MAPKAPK2: variants seen among roughly 807,000 people sequenced by gnomAD.
MAPKAPK2 encodes MAP kinase-activated protein kinase 2.
Under a neutral mutation model 48.8 loss-of-function variants are expected in MAPKAPK2, and 9 were observed. That is an observed-to-expected ratio of 0.18 (90% CI 0.11 to 0.32). MAPKAPK2 has a LOEUF of 0.32. MAPKAPK2 is among the 10% of genes least tolerant of loss of function. MAPKAPK2 has a pLI of 1.00. For synonymous variants in MAPKAPK2, 202 were observed against 190.6 expected (o/e 1.06, Z -0.49); for missense variants, 331 against 498.3 (o/e 0.66, Z 3.20).
chr1:206,695,675 TC>T (rs1167805984), intron 1 of MAPKAPK2, among the ~76,000 whole-genome samples: 1 of 151,992 alleles, frequency 6.6e-6, no homozygotes, highest in Non-Finnish European at 1.5e-5. Context: ...AAGTGGGTCT[TC>T]CCATCCTTCC....
chr1:206,726,231 C>CA (rs1339557606), intron 1 of MAPKAPK2, among the ~76,000 whole-genome samples: 2 of 151,930 alleles, frequency 1.3e-5, no homozygotes, highest in African/African-American at 4.8e-5. Context: ...CTAAAAATAC[C>CA]AAAAAATTAG....
At chr1:206,721,589 C>T (rs1408893206) in intron 1 of MAPKAPK2, among the ~76,000 whole-genome samples, 1 of 152,110 alleles carries the variant, frequency 6.6e-6, no homozygotes, top group African/African-American at 2.4e-5. Context: ...AACTCTTTGC[C>T]TTACTGTGGG....
intron 1 of MAPKAPK2, among the ~76,000 whole-genome samples, chr1:206,713,291 A>G (rs1553429820): frequency 6.6e-6 from 1 of 152,180 alleles, no homozygotes; most frequent in Non-Finnish European, 1.5e-5. Flanking sequence ...AGAGGAGGTG[A>G]CATTGCCATG....
chr1:206,713,036 G>GT (rs1475772299), intron 1 of MAPKAPK2, among the ~76,000 whole-genome samples: 1 of 148,242 alleles, frequency 6.7e-6, no homozygotes, highest in African/African-American at 2.5e-5. Context: ...TTGTTCTTTG[G>GT]GTTTAGTCAA....
At chr1:206,717,498 T>C (rs2102403472) in intron 1 of MAPKAPK2, among the ~76,000 whole-genome samples, 1 of 152,338 alleles carries the variant, frequency 6.6e-6, no homozygotes, top group African/African-American at 2.4e-5. Flanking sequence ...TTCATGTCCA[T>C]ATAAGTCAGA....
At position 206,711,976 on chromosome 1, in the gene MAPKAPK2, A is replaced by G. The variant is rs144856388; in HGVS notation, c.280-16734A>G. On this transcript the variant is annotated intron_variant, in intron 1 of 9. Transcript: ENST00000367103. Reference sequence around the variant, plus strand: ...ATTTCCTTCTGTCCCCTAATTTGAAATAATGCTAAAGTGAATATTTTTGAT... The same window carrying G: ...ATTTCCTTCTGTCCCCTAATTTGAAGTAATGCTAAAGTGAATATTTTTGAT... 7.0e-3 allele frequency among the ~76,000 whole-genome samples: 1,037 copies of G among 147,714 alleles called. 11 individuals are homozygous for G. The highest frequency in any genetic ancestry group is 0.024 in the African/African-American group (972 of 40,290).
chr1:206,732,415 C>T lies in MAPKAPK2; in HGVS notation c.1060-160C>T. On this transcript the variant is annotated intron_variant, in intron 9 of 9. Coordinates refer to ENST00000367103, the MANE Select transcript of MAPKAPK2 (RefSeq NM_032960.4). The surrounding 1 kb of genome is among the most constrained non-coding windows in gnomAD (Gnocchi z 4.4). ...AGCGCTGGGGTGAGGCTGCCGTTGT[C>T]AGCGTGGACCACTAACCAGCCCGTC... 1 of 1,460,624 alleles carries T rather than the reference C, an allele frequency of 6.8e-7. No homozygotes were observed. 90.5% of individuals were successfully genotyped at this position (1,460,624 alleles called of 1,614,324 possible).
chr1:206,709,129 C>T (rs1351776888), intron 1 of MAPKAPK2, among the ~76,000 whole-genome samples: 2 of 152,170 alleles, frequency 1.3e-5, no homozygotes, highest in Non-Finnish European at 2.9e-5. Context: ...TGCAGAGTTA[C>T]AGGAGGCTGT....
intron 1 of MAPKAPK2, among the ~76,000 whole-genome samples, chr1:206,718,007 T>TA (rs1315270974): frequency 2.0e-5 from 3 of 152,124 alleles, no homozygotes; most frequent in Non-Finnish European, 4.4e-5. Flanking sequence ...CCCTCTTCCC[T>TA]AAAAAACAAA....
Position 206,733,665 on chromosome 1 carries a change from C to T in MAPKAPK2, c.*947C>T, listed in dbSNP as rs983541873. ...TCTACTGAATGACCTCTCTACTTCC[C>T]CTTCTTGCCATTATTAACCCATTTT... On this transcript the variant is annotated 3_prime_UTR_variant, in exon 10 of 10. Coordinates refer to ENST00000367103, the MANE Select transcript of MAPKAPK2 (RefSeq NM_032960.4). The T allele has an allele frequency of 6.6e-6, 1 of 152,400 alleles. No homozygotes were observed. Among genetic ancestry groups the T allele is most frequent in the African/African-American group, 2.4e-5 (1 of 41,426 alleles). The allele number at this position is 152,400 out of a possible 1,614,324, so 9.4% of individuals were successfully genotyped here.
intron 1 of MAPKAPK2, among the ~76,000 whole-genome samples, chr1:206,714,602 TA>T (rs1276825961): frequency 1.0e-3 from 147 of 143,000 alleles, no homozygotes; most frequent in Middle Eastern, 3.5e-3. Flanking sequence ...TGTCTCTACT[TA>T]AAAAAAAAAA....
chr1:206,689,833 T>C (rs1354718388), intron 1 of MAPKAPK2, among the ~76,000 whole-genome samples: 1 of 152,232 alleles, frequency 6.6e-6, no homozygotes, highest in Non-Finnish European at 1.5e-5. Context: ...GGCTATCGAA[T>C]TGAACAATGC....
At chr1:206,727,217 C>T (rs1382848917) in intron 1 of MAPKAPK2, among the ~76,000 whole-genome samples, 10 of 152,316 alleles carry the variant, frequency 6.6e-5, no homozygotes, top group Non-Finnish European at 1.3e-4. Flanking sequence ...ATAAAAATGA[C>T]AGCTATTAGT....
chr1:206,719,845 A>C (rs1486011709), intron 1 of MAPKAPK2, among the ~76,000 whole-genome samples: 5 of 152,252 alleles, frequency 3.3e-5, no homozygotes, highest in Admixed American at 2.0e-4. Flanking sequence ...GCAGCATCTT[A>C]TTTCTTTCCT....
intron 1 of MAPKAPK2, among the ~76,000 whole-genome samples, chr1:206,721,958 G>A (rs981231032): frequency 3.9e-5 from 6 of 152,060 alleles, no homozygotes; most frequent in Non-Finnish European, 8.8e-5. Flanking sequence ...CCAGCTACTC[G>A]GGAGGCAGAG....
intron 1 of MAPKAPK2, among the ~76,000 whole-genome samples, chr1:206,692,307 A>G (rs868994533): frequency 3.1e-4 from 47 of 152,292 alleles, no homozygotes; most frequent in African/African-American, 1.1e-3. Context: ...TGATTCACAG[A>G]GCTGATGAGG....
chr1:206,691,055 G>A lies in MAPKAPK2; in HGVS notation c.279+5547G>A, dbSNP rs575080268. Among the ~76,000 whole-genome samples the A allele has an allele frequency of 8.1e-5, 12 of 148,232 alleles. 1 individual carries two copies. In the East Asian group the frequency reaches 3.1e-3, roughly 38 times the overall value. On this transcript the variant is annotated intron_variant, in intron 1 of 9. Coordinates refer to ENST00000367103, the MANE Select transcript of MAPKAPK2 (RefSeq NM_032960.4). ...CTTGGTAATGGTTTGAGGCCCAGTG[G>A]CAAAGCAACCCACACTTCATAGTAA...
chr1:206,694,741 G>T (rs1191765013), intron 1 of MAPKAPK2, among the ~76,000 whole-genome samples: 1 of 152,220 alleles, frequency 6.6e-6, no homozygotes, highest in Non-Finnish European at 1.5e-5. Context: ...GAATGCAGGT[G>T]ACCTGATGAG....
At chr1:206,693,248 G>A (rs1225951264) in intron 1 of MAPKAPK2, among the ~76,000 whole-genome samples, 1 of 152,084 alleles carries the variant, frequency 6.6e-6, no homozygotes, top group Non-Finnish European at 1.5e-5. Context: ...AAATAAACCT[G>A]CCACTGCTGC....
Sources: allele counts gnomAD v4.1 joint callset (sites outside exome capture counted in the v4.1 genomes callset), GRCh38; gene constraint gnomAD v4.1.1; non-coding constraint Gnocchi (gnomAD v3.1); transcripts MANE v1.5; gene names NCBI Gene and HGNC (gene_info 2026-07-23, HGNC 2026-07-21).